FLNB: variants seen among roughly 807,000 people sequenced by gnomAD.
The protein encoded by FLNB is filamin-B.
FLNB carries 111 observed loss-of-function variants against 250.6 expected under a neutral mutation model. The ratio of observed to expected loss-of-function variants is 0.44; its 90% confidence interval spans 0.38 to 0.52. The LOEUF is 0.52. Ranked by LOEUF, FLNB falls within the 20% of genes least tolerant of loss-of-function variation. The pLI, the probability that FLNB is intolerant of heterozygous loss-of-function variation, is 0.00. For missense variants in FLNB, 2,869 were observed against 3,447.8 expected, an observed-to-expected ratio of 0.83 and a Z score of 4.20; for synonymous variants, 1,302 against 1,372.1, an observed-to-expected ratio of 0.95 and a Z score of 1.13.
rs34503609 is a variant in FLNB, at chr3:58,018,962, CAAAAAAA to C, written c.292+10123_292+10129del. 6.6e-3 allele frequency among the ~76,000 whole-genome samples: 470 copies of C among 71,412 alleles called. 1 individual carries two copies. The highest frequency in any genetic ancestry group is 0.021 in the African/African-American group (416 of 19,984). 46.8% of individuals were successfully genotyped at this position (71,412 alleles called of 152,430 possible). Reference sequence around the variant, plus strand: ...CAGCCTGGGTGAGATCACATCTCTACAAAAAAAAAAAAAAAAAAAAAAATTATCTGGA... The same window carrying C: ...CAGCCTGGGTGAGATCACATCTCTACAAAAAAAAAAAAAAAATTATCTGGA... On this transcript the variant is annotated intron_variant, in intron 1 of 45. Transcript: ENST00000295956.
intron 12 of FLNB, 138 bp downstream of exon 12, chr3:58,107,011 ATTTGTTTGTTTGTTTG>A (rs543270582): frequency 9.6e-6 from 7 of 727,612 alleles, no homozygotes; most frequent in African/African-American, 7.0e-5. Context: ...ACAGGCCTGC[ATTTGTTTGTTTGTTTG>A]TTTGTTTGTT....
At chr3:58,084,084 C>T (rs551322246) in intron 4 of FLNB, among the ~76,000 whole-genome samples, 7 of 150,610 alleles carry the variant, frequency 4.6e-5, no homozygotes, top group African/African-American at 9.8e-5. Flanking sequence ...CCCAGCTACT[C>T]GGGAGGCTGA....
chr3:58,115,365 T>C (rs1360055130), intron 18 of FLNB, among the ~76,000 whole-genome samples: 11 of 152,232 alleles, frequency 7.2e-5, no homozygotes, highest in Admixed American at 7.2e-4. Flanking sequence ...AAACATTTTG[T>C]GACTTCTGCT....
chr3:58,148,858 T>G lies in FLNB; in HGVS notation c.6091+6T>G. The G allele has an allele frequency of 6.2e-7, 1 of 1,610,788 alleles. No individual in the cohort carries two copies. Among genetic ancestry groups the G allele is most frequent in the South Asian group, 1.1e-5 (1 of 91,050 alleles). ...CGTGGACACAAGGGATGCAGGTCTGTGTGGTCCCAGGGGAGAGGCCCAGAG... is the reference window on the plus strand; with the variant it reads ...CGTGGACACAAGGGATGCAGGTCTGGGTGGTCCCAGGGGAGAGGCCCAGAG... On this transcript the variant is annotated splice_donor_region_variant and intron_variant, in intron 36 of 45. Transcript: ENST00000295956.
At chr3:58,147,018 C>G in intron 34 of FLNB, 25 bp downstream of exon 34, 1 of 1,612,744 alleles carries the variant, frequency 6.2e-7, no homozygotes, top group Non-Finnish European at 8.5e-7. Context: ...CTTCTGGGGT[C>G]TTCCTCGTGG....
chr3:58,063,178 C>T (rs890785589), intron 1 of FLNB, among the ~76,000 whole-genome samples: 1 of 152,228 alleles, frequency 6.6e-6, no homozygotes, highest in African/African-American at 2.4e-5. Flanking sequence ...GAACTTCTAG[C>T]TGCCCCATCA....
chr3:58,157,518 G>A (rs1420206271), intron 41 of FLNB, among the ~76,000 whole-genome samples: 1 of 152,156 alleles, frequency 6.6e-6, no homozygotes, highest in Non-Finnish European at 1.5e-5. Context: ...ACATTGAAGC[G>A]GCCTCATCCG....
At chr3:58,038,448 T>C (rs1190589157) in intron 1 of FLNB, among the ~76,000 whole-genome samples, 1 of 151,686 alleles carries the variant, frequency 6.6e-6, no homozygotes, top group Non-Finnish European at 1.5e-5. Context: ...GGCTTTTTTT[T>C]TTTTCCTGAG....
chr3:58,110,231 G>T lies in FLNB; in HGVS notation c.2484+61G>T, dbSNP rs2097266168. The stretch of plus-strand genomic sequence containing the variant: ...AGGCCTGGATTCTCTTTGGCCACTT[G>T]TGTGCATGTCTCATCTACTTTTTGG... On this transcript the variant is annotated intron_variant, in intron 16 of 45. Transcript: ENST00000295956. 10 of 1,518,076 alleles carry T rather than the reference G, an allele frequency of 6.6e-6. No individual in the cohort carries two copies. In the Admixed American group the frequency reaches 1.5e-4, roughly 23 times the overall value. 94.0% of individuals were successfully genotyped at this position (1,518,076 alleles called of 1,614,324 possible). A position where few individuals can be genotyped will look rare whatever the true frequency, so the allele number is the denominator to read the frequency against.
At chr3:58,051,978 C>T (rs916480611) in intron 1 of FLNB, among the ~76,000 whole-genome samples, 2 of 152,108 alleles carry the variant, frequency 1.3e-5, no homozygotes, top group Non-Finnish European at 2.9e-5. Context: ...CCTCTGCCTC[C>T]TGGGTTCAAG....
At chr3:58,021,385 AGGGAGGGGTACCTGCT>A (rs919716910) in intron 1 of FLNB, among the ~76,000 whole-genome samples, 4 of 152,104 alleles carry the variant, frequency 2.6e-5, no homozygotes, top group Non-Finnish European at 5.9e-5. Context: ...CAGCAGAGGC[AGGGAGGGGTACCTGCT>A]GGAAGACCAG....
In FLNB at chr3:58,077,210, A is replaced by G; in HGVS notation, c.457A>G (p.Ile153Val). ...GCTGCTGGGGTGGATTCAGAACAAG[A>G]TCCCCTACTTGCCCATCACCAACTT... ...QRLLGWIQNK[I>V]PYLPITNFNQ... is the part of the protein sequence containing the mutation. The change falls in exon 2 of 46, where the codon ATC becomes GTC. Residue 153 changes from isoleucine (I) to valine (V), a missense_variant. Ile to Val is a conservative substitution (Grantham distance 29). Coordinates refer to ENST00000295956, the MANE Select transcript of FLNB (RefSeq NM_001457.4). 2 of 1,614,120 alleles carry G rather than the reference A, an allele frequency of 1.2e-6. No homozygotes were observed. The highest frequency in any genetic ancestry group is 1.7e-6 in the Non-Finnish European group (2 of 1,180,022).
chr3:58,040,515 A>G (rs1264617757), intron 1 of FLNB, among the ~76,000 whole-genome samples: 1 of 152,024 alleles, frequency 6.6e-6, no homozygotes, highest in East Asian at 1.9e-4. Context: ...TGTTGTTGAG[A>G]TGGAATCCTG....
At chr3:58,111,095 G>A (rs2097267916) in intron 16 of FLNB, among the ~76,000 whole-genome samples, 1 of 152,200 alleles carries the variant, frequency 6.6e-6, no homozygotes, top group Admixed American at 6.5e-5. Flanking sequence ...AATGCAGTTA[G>A]CTTCTAGATA....
intron 20 of FLNB, among the ~76,000 whole-genome samples, chr3:58,121,924 C>T (rs1274026309): frequency 6.6e-6 from 1 of 152,122 alleles, no homozygotes; most frequent in Non-Finnish European, 1.5e-5. Context: ...AATCCCAGCA[C>T]TTTGGGAGGC....
At chr3:58,138,741 A>G (rs1320738602) in intron 29 of FLNB, among the ~76,000 whole-genome samples, 2 of 152,212 alleles carry the variant, frequency 1.3e-5, no homozygotes, top group African/African-American at 2.4e-5. Context: ...CTTACTGGCC[A>G]CCAAGGTGTC....
intron 1 of FLNB, among the ~76,000 whole-genome samples, chr3:58,074,068 A>G (rs74678926): frequency 0.011 from 1,746 of 152,350 alleles, 31 homozygotes; most frequent in African/African-American, 0.039. Context: ...ATAAAGGCAC[A>G]GGTTTTCCCC....
chr3:58,118,781 G>T (rs565727424), intron 18 of FLNB, 91 bp from the exon 19 acceptor site: 3 of 899,088 alleles, frequency 3.3e-6, no homozygotes, highest in Admixed American at 1.7e-5. Context: ...TCCCCTGTCC[G>T]TGAGAAGAAT....
chr3:58,110,774 A>G (rs2097267254), intron 16 of FLNB, among the ~76,000 whole-genome samples: 4 of 152,110 alleles, frequency 2.6e-5, no homozygotes, highest in Non-Finnish European at 2.9e-5. Context: ...CATTTTTAGT[A>G]GAGACGGTTG....
Sources: gnomAD v4.1 joint callset for allele counts (sites outside exome capture counted in the v4.1 genomes callset) on GRCh38, gnomAD v4.1.1 for gene constraint, MANE v1.5 for transcripts, NCBI Gene and HGNC (gene_info 2026-07-23, HGNC 2026-07-21) for gene names.